The following PDE7B variants were observed in gnomAD, a reference collection of about 807,000 sequenced individuals.
PDE7B encodes 3',5'-cyclic-AMP phosphodiesterase 7B.
A neutral mutation model predicts 56.2 loss-of-function variants in PDE7B; 29 were observed. That is an observed-to-expected ratio of 0.52 (90% CI 0.38 to 0.70). The LOEUF (loss-of-function observed/expected upper bound fraction) is 0.70. PDE7B is among the 30% of genes least tolerant of loss of function. The pLI, the probability that PDE7B is intolerant of heterozygous loss-of-function variation, is 0.00. For missense variants in PDE7B, 490 were observed against 565.0 expected (o/e 0.87, Z 1.35); for synonymous variants, 197 against 196.9 (o/e 1.00, Z 0.00).
intron 2 of PDE7B, among the ~76,000 whole-genome samples, chr6:135,967,271 A>G (rs1026619779): frequency 2.9e-4 from 44 of 152,170 alleles, no homozygotes; most frequent in African/African-American, 1.0e-3. Context: ...CATGTCCAAC[A>G]ACCCGCTATG....
chr6:136,100,602 T>C (rs191050329), intron 2 of PDE7B, among the ~76,000 whole-genome samples: 1 of 152,320 alleles, frequency 6.6e-6, no homozygotes, highest in Non-Finnish European at 1.5e-5. Flanking sequence ...TGCTTGTGAT[T>C]TTTGCACATT....
chr6:135,973,486 A>G (rs982574266), intron 2 of PDE7B, among the ~76,000 whole-genome samples: 1 of 152,196 alleles, frequency 6.6e-6, no homozygotes, highest in Admixed American at 6.6e-5. Flanking sequence ...TTAAATAAAT[A>G]CTTAGTAATG....
intron 3 of PDE7B, among the ~76,000 whole-genome samples, chr6:136,124,416 G>A (rs1045076344): frequency 2.6e-5 from 4 of 151,964 alleles, no homozygotes; most frequent in African/African-American, 4.8e-5. Flanking sequence ...GCAAAGCATC[G>A]ACAAAATAGT....
chr6:135,938,149 T>G (rs1459136367), intron 1 of PDE7B, among the ~76,000 whole-genome samples: 1 of 152,266 alleles, frequency 6.6e-6, no homozygotes, highest in Non-Finnish European at 1.5e-5. Flanking sequence ...CTTTCCATTA[T>G]GTCCACCAAT....
At chr6:135,878,855 T>C (rs1416476127) in intron 1 of PDE7B, among the ~76,000 whole-genome samples, 5 of 152,224 alleles carry the variant, frequency 3.3e-5, no homozygotes, top group African/African-American at 1.2e-4. Flanking sequence ...ACATTTTATA[T>C]ATTCCTGACA....
chr6:136,122,976 C>G (rs1013363130), intron 3 of PDE7B, among the ~76,000 whole-genome samples: 2 of 152,196 alleles, frequency 1.3e-5, no homozygotes, highest in African/African-American at 4.8e-5. Context: ...TTATTCACTC[C>G]ATTCGTATTT....
At chr6:136,163,791 T>G (rs1301165813) in intron 8 of PDE7B, among the ~76,000 whole-genome samples, 3 of 152,200 alleles carry the variant, frequency 2.0e-5, no homozygotes. Context: ...ATGCCACCAG[T>G]CTCTTTGCTA....
chr6:135,890,324 C>G (rs1775788557), intron 1 of PDE7B, among the ~76,000 whole-genome samples: 1 of 152,128 alleles, frequency 6.6e-6, no homozygotes, highest in African/African-American at 2.4e-5. Flanking sequence ...GTTTATCAGA[C>G]AGGTTCTAGA....
intron 1 of PDE7B, among the ~76,000 whole-genome samples, chr6:135,867,496 A>C (rs1775284537): frequency 6.6e-6 from 1 of 152,200 alleles, no homozygotes; most frequent in East Asian, 1.9e-4. Context: ...AACGTGTGTC[A>C]TGGGGATTTG....
At chr6:136,057,200 G>C (rs145317001) in intron 2 of PDE7B, among the ~76,000 whole-genome samples, 1 of 152,256 alleles carries the variant, frequency 6.6e-6, no homozygotes, top group African/African-American at 2.4e-5. Flanking sequence ...CATTTCTACT[G>C]ATTACCCAGA....
intron 3 of PDE7B, among the ~76,000 whole-genome samples, chr6:136,144,735 G>C (rs1229578399): frequency 6.6e-6 from 1 of 152,052 alleles, no homozygotes; most frequent in Non-Finnish European, 1.5e-5. Flanking sequence ...TTTTTTAAGA[G>C]AGCACAGGCT....
At chr6:135,974,502 G>C (rs947065724) in intron 2 of PDE7B, among the ~76,000 whole-genome samples, 5 of 152,122 alleles carry the variant, frequency 3.3e-5, no homozygotes, top group African/African-American at 1.2e-4. Context: ...AGTCTTACTA[G>C]ATGTAGCAAT....
intron 3 of PDE7B, among the ~76,000 whole-genome samples, chr6:136,142,129 T>C (rs1387053181): frequency 1.3e-5 from 2 of 152,208 alleles, no homozygotes; most frequent in African/African-American, 4.8e-5. Context: ...GCTTTGACTG[T>C]GTCCCAGAGA....
intron 2 of PDE7B, among the ~76,000 whole-genome samples, chr6:136,063,146 C>A (rs963662877): frequency 1.3e-5 from 2 of 152,116 alleles, no homozygotes; most frequent in Non-Finnish European, 2.9e-5. Flanking sequence ...AAACAAGGTT[C>A]TAAAATAGCA....
chr6:136,048,382 C>T (rs976096918), intron 2 of PDE7B, among the ~76,000 whole-genome samples: 10 of 151,882 alleles, frequency 6.6e-5, no homozygotes, highest in Non-Finnish European at 1.0e-4. Flanking sequence ...AAATTAGAGG[C>T]GTGGTGGTGG....
At chr6:135,970,914 G>T (rs1775083935) in intron 2 of PDE7B, among the ~76,000 whole-genome samples, 4 of 152,138 alleles carry the variant, frequency 2.6e-5, no homozygotes, top group Admixed American at 6.5e-5. Context: ...AGGGAAGCGT[G>T]CATCCTTGGC....
intron 1 of PDE7B, among the ~76,000 whole-genome samples, chr6:135,871,345 T>C (rs1163552858): frequency 2.0e-5 from 3 of 152,234 alleles, no homozygotes; most frequent in African/African-American, 7.2e-5. Context: ...CAAAAGCCTG[T>C]GTAACCCACA....
At chr6:135,919,724 C>T (rs1774032670) in intron 1 of PDE7B, among the ~76,000 whole-genome samples, 1 of 152,148 alleles carries the variant, frequency 6.6e-6, no homozygotes, top group Non-Finnish European at 1.5e-5. Context: ...TGACTTTGAG[C>T]AAATTATTTA....
chr6:136,133,730 T>C (rs1444315042), intron 3 of PDE7B, among the ~76,000 whole-genome samples: 3 of 152,146 alleles, frequency 2.0e-5, no homozygotes, highest in Non-Finnish European at 4.4e-5. Context: ...ATCTGCCACA[T>C]AGCAAGTGAG....
Sources: gnomAD v4.1 joint callset for allele counts (sites outside exome capture counted in the v4.1 genomes callset) on GRCh38, gnomAD v4.1.1 for gene constraint, MANE v1.5 for transcripts, NCBI Gene and HGNC (gene_info 2026-07-23, HGNC 2026-07-21) for gene names.